Variants in CSMD1 observed in about 807,000 individuals in gnomAD.
CSMD1 encodes CUB and Sushi multiple domains 1.
CSMD1 carries 213 observed loss-of-function variants against 417.5 expected under a neutral mutation model. The ratio of observed to expected loss-of-function variants is 0.51; its 90% CI spans 0.46 to 0.57. The LOEUF (loss-of-function observed/expected upper bound fraction) is 0.57, where lower values mean the gene tolerates loss of function less well. CSMD1 is among the 20% of genes least tolerant of loss of function. CSMD1 has a pLI of 0.00. For missense variants in CSMD1, 6,923 were observed against 4,529.7 expected (o/e 1.53, Z -15.17); for synonymous variants, 2,862 against 1,736.8 (o/e 1.65, Z -16.11).
At chr8:3,858,399 T>C (rs1317403113) in intron 5 of CSMD1, among the ~76,000 whole-genome samples, 1 of 152,180 alleles carries the variant, frequency 6.6e-6, no homozygotes, top group Non-Finnish European at 1.5e-5. Flanking sequence ...ATGAATTCTA[T>C]GCTGTTTCTT....
chr8:3,456,894 G>T (rs187015985), intron 12 of CSMD1, among the ~76,000 whole-genome samples: 1 of 152,086 alleles, frequency 6.6e-6, no homozygotes, highest in Admixed American at 6.5e-5. Context: ...GCACTATCCT[G>T]CCCCCCTTGT....
At chr8:4,804,670 G>A (rs1455243473) in intron 1 of CSMD1, among the ~76,000 whole-genome samples, 1 of 152,108 alleles carries the variant, frequency 6.6e-6, no homozygotes, top group East Asian at 1.9e-4. Flanking sequence ...CTGACTTTTA[G>A]TGATCAAAAT....
At chr8:4,209,898 G>A (rs578188970) in intron 3 of CSMD1, among the ~76,000 whole-genome samples, 4 of 152,130 alleles carry the variant, frequency 2.6e-5, no homozygotes, top group African/African-American at 9.7e-5. Flanking sequence ...TGTGTTGACA[G>A]GTGGTCTCCA....
At chr8:3,661,668 T>G (rs961335217) in intron 7 of CSMD1, among the ~76,000 whole-genome samples, 1 of 152,090 alleles carries the variant, frequency 6.6e-6, no homozygotes, top group Admixed American at 6.5e-5. Flanking sequence ...AGCTAATTTT[T>G]GTATTTTTAG....
chr8:4,712,532 T>A (rs905867243), intron 1 of CSMD1, among the ~76,000 whole-genome samples: 7 of 152,136 alleles, frequency 4.6e-5, no homozygotes, highest in Non-Finnish European at 1.0e-4. Flanking sequence ...TATCCCTTTA[T>A]CAGAGCAAAG....
At chr8:4,295,036 T>C (rs954658851) in intron 3 of CSMD1, among the ~76,000 whole-genome samples, 4 of 148,268 alleles carry the variant, frequency 2.7e-5, no homozygotes, top group East Asian at 4.0e-4. Context: ...ACATATAATA[T>C]ATGTATATAT....
chr8:4,755,496 C>T (rs376976690), intron 1 of CSMD1, among the ~76,000 whole-genome samples: 4 of 152,028 alleles, frequency 2.6e-5, no homozygotes, highest in Admixed American at 6.6e-5. Context: ...TTTGGCATAA[C>T]GTTAAAATTG....
chr8:4,583,580 G>A (rs944423904), intron 2 of CSMD1, among the ~76,000 whole-genome samples: 1 of 152,018 alleles, frequency 6.6e-6, no homozygotes, highest in Non-Finnish European at 1.5e-5. Context: ...TTACCTCAAG[G>A]TTTGTGAGTG....
chr8:4,158,777 G>T (rs937928778), intron 3 of CSMD1, among the ~76,000 whole-genome samples: 1 of 152,148 alleles, frequency 6.6e-6, no homozygotes, highest in African/African-American at 2.4e-5. Flanking sequence ...ACACTGAAGT[G>T]TTGGGATTTT....
chr8:3,471,846 A>C (rs1164525308), intron 11 of CSMD1, among the ~76,000 whole-genome samples: 1 of 152,168 alleles, frequency 6.6e-6, no homozygotes, highest in Non-Finnish European at 1.5e-5. Context: ...TTAATATTAC[A>C]CAGTTAAAGA....
At chr8:3,258,642 A>G (rs1342252654) in intron 26 of CSMD1, among the ~76,000 whole-genome samples, 3 of 152,208 alleles carry the variant, frequency 2.0e-5, no homozygotes, top group Non-Finnish European at 4.4e-5. Flanking sequence ...ACATGCATGC[A>G]TATGTTCAGT....
At chr8:3,994,892 C>G (rs563956085) in intron 5 of CSMD1, among the ~76,000 whole-genome samples, 1 of 152,028 alleles carries the variant, frequency 6.6e-6, no homozygotes, top group Non-Finnish European at 1.5e-5. Flanking sequence ...CTTATATGCC[C>G]TTTTTTAAAA....
chr8:3,682,670 G>A (rs188019583), intron 7 of CSMD1, among the ~76,000 whole-genome samples: 1 of 152,180 alleles, frequency 6.6e-6, no homozygotes, highest in Non-Finnish European at 1.5e-5. Context: ...AATACCATTT[G>A]ATCCAGCCAT....
At chr8:3,288,794 T>G (rs1465510818) in intron 25 of CSMD1, among the ~76,000 whole-genome samples, 1 of 147,350 alleles carries the variant, frequency 6.8e-6, no homozygotes, top group Non-Finnish European at 1.5e-5. Flanking sequence ...CTCTTTTTTA[T>G]ATAGACTAAT....
chr8:4,154,559 G>T lies in CSMD1; in HGVS notation c.416-122460C>A, dbSNP rs115060477. 3.6e-3 allele frequency among the ~76,000 whole-genome samples: 542 copies of T among 152,294 alleles called. 3 individuals are homozygous for T. Among genetic ancestry groups the T allele is most frequent in the African/African-American group, 0.013 (528 of 41,572 alleles). ...GAAGCCAGGACACTATGCTTCTAAC[G>T]CCGTGAGCTGGGCCAAGAGGTGAGG... On this transcript the variant is annotated intron_variant, in intron 3 of 69. Coordinates refer to ENST00000635120, the MANE Select transcript of CSMD1 (RefSeq NM_033225.6).
chr8:4,135,053 CTT>C (rs1398610179), intron 3 of CSMD1, among the ~76,000 whole-genome samples: 2 of 152,080 alleles, frequency 1.3e-5, no homozygotes, highest in African/African-American at 4.8e-5. Flanking sequence ...TTCTTAAACT[CTT>C]AGCACAGTGA....
chr8:4,000,917 C>T (rs1418528523), intron 4 of CSMD1, among the ~76,000 whole-genome samples: 2 of 151,876 alleles, frequency 1.3e-5, no homozygotes, highest in African/African-American at 2.4e-5. Flanking sequence ...TCAAAGTCCA[C>T]GTTACCAAAA....
At chr8:3,799,644 A>G (rs13438805) in intron 5 of CSMD1, among the ~76,000 whole-genome samples, 41,226 of 151,836 alleles carry the variant, frequency 0.27, 6,331 homozygotes, top group Non-Finnish European at 0.34. Flanking sequence ...GTAGCATTGC[A>G]GAAAACAAGT....
chr8:4,609,068 C>T (rs1801033209), intron 2 of CSMD1, among the ~76,000 whole-genome samples: 1 of 151,722 alleles, frequency 6.6e-6, no homozygotes, highest in Admixed American at 6.6e-5. Context: ...TGAAATCCTC[C>T]ACTTTCAGGT....
Sources: allele counts gnomAD v4.1 joint callset (sites outside exome capture counted in the v4.1 genomes callset), GRCh38; gene constraint gnomAD v4.1.1; transcripts MANE v1.5; gene names NCBI Gene and HGNC (gene_info 2026-07-23, HGNC 2026-07-21).